The following NAT2 variants were observed in gnomAD, a reference collection of about 807,000 sequenced individuals.
The protein encoded by NAT2 is N-acetyltransferase 2, also known as arylamine N-acetyltransferase 2.
For missense variants in NAT2, 428 were observed against 339.1 expected (o/e 1.26, Z -2.06); for synonymous variants, 137 against 125.9 (o/e 1.09, Z -0.59).
chr8:18,398,117 GACCCC>G (rs1800723432), intron 1 of NAT2, among the ~76,000 whole-genome samples: 1 of 152,134 alleles, frequency 6.6e-6, no homozygotes, highest in Non-Finnish European at 1.5e-5. Context: ...TCAGAATAAA[GACCCC>G]AACACACAGG....
chr8:18,396,397 A>G (rs1378631269), intron 1 of NAT2, among the ~76,000 whole-genome samples: 1 of 152,118 alleles, frequency 6.6e-6, no homozygotes, highest in Non-Finnish European at 1.5e-5. Context: ...CACATTTTTA[A>G]CTTAAAACAA....
rs1351551928 is a variant in NAT2, at chr8:18,400,780, T to C, written c.777T>C (p.Thr259=). ...ATCTGGTCGAGTTTAAAACTCTCAC[T>C]GAGGAAGAGGTTGAAGAAGTGCTGA... is the stretch of plus-strand genomic sequence containing the variant. ...NTDLVEFKTL[T]EEEVEEVLRN... The change falls in exon 2 of 2, where the codon ACT becomes ACC. Residue 259 remains threonine (T), a synonymous_variant. Coordinates refer to ENST00000286479, the MANE Select transcript of NAT2 (RefSeq NM_000015.3). The C allele has an allele frequency of 1.6e-5, 26 of 1,613,402 alleles. No homozygotes were observed. Among genetic ancestry groups the C allele is most frequent in the Non-Finnish European group, 2.2e-5 (26 of 1,179,862 alleles).
intron 1 of NAT2, among the ~76,000 whole-genome samples, chr8:18,396,373 C>A (rs1800689779): frequency 6.6e-6 from 1 of 152,096 alleles, no homozygotes; most frequent in African/African-American, 2.4e-5. Context: ...CTTTCATAAA[C>A]CTTTAGTTTT....
At chr8:18,394,231 A>G (rs1800643754) in intron 1 of NAT2, among the ~76,000 whole-genome samples, 1 of 152,196 alleles carries the variant, frequency 6.6e-6, no homozygotes. Context: ...TTAAGGCAGG[A>G]ACAGGCCATT....
intron 1 of NAT2, among the ~76,000 whole-genome samples, chr8:18,398,818 C>G (rs1287692366): frequency 6.6e-6 from 1 of 152,180 alleles, no homozygotes; most frequent in African/African-American, 2.4e-5. Flanking sequence ...ACTTAGGTCA[C>G]ATGCCACCCA....
In NAT2 at chr8:18,400,406, C is replaced by T; in HGVS notation, c.403C>T (p.Leu135=). ...AAGCTCCTCCCAGATGTGGCAGCCT[C>T]TAGAATTAATTTCTGGGAAGGATCA... The part of the protein sequence containing the change: ...SGSSSQMWQP[L]ELISGKDQPQ... Residue 135 remains leucine (L), a synonymous_variant, in exon 2 of 2, where the codon CTA becomes TTA. Coordinates refer to ENST00000286479, the MANE Select transcript of NAT2 (RefSeq NM_000015.3). 1 of 1,612,094 alleles carries T rather than the reference C, an allele frequency of 6.2e-7. No homozygotes were observed. The highest frequency in any genetic ancestry group is 8.5e-7 in the Non-Finnish European group (1 of 1,179,416).
intron 1 of NAT2, among the ~76,000 whole-genome samples, chr8:18,397,150 T>C (rs1800706072): frequency 1.3e-5 from 2 of 152,076 alleles, no homozygotes; most frequent in South Asian, 4.2e-4. Context: ...AGGTTTAAGG[T>C]CACTAAAAAT....
At chr8:18,398,957 C>T (rs1028803898) in intron 1 of NAT2, among the ~76,000 whole-genome samples, 4 of 152,172 alleles carry the variant, frequency 2.6e-5, no homozygotes, top group African/African-American at 7.2e-5. Context: ...TTTGATTAGG[C>T]GAACACTGTT....
At chr8:18,387,521 C>A, upstream of NAT2, 1 of 153,812 alleles carries the variant, frequency 6.5e-6, no homozygotes, top group South Asian at 1.8e-4. Flanking sequence ...GGCTCGTGCT[C>A]ATTCACCTCC....
At chr8:18,389,656 G>C (rs1203032501), upstream of NAT2, among the ~76,000 whole-genome samples, 1 of 152,192 alleles carries the variant, frequency 6.6e-6, no homozygotes, top group Non-Finnish European at 1.5e-5. Context: ...AGTGCCAAAA[G>C]AAAAAGTACA....
At chr8:18,396,632 G>C (rs947100804) in intron 1 of NAT2, among the ~76,000 whole-genome samples, 2 of 152,132 alleles carry the variant, frequency 1.3e-5, no homozygotes, top group Non-Finnish European at 2.9e-5. Context: ...CTGACCTCGT[G>C]ATCTGCCCAC....
chr8:18,390,711 T>G (rs1800578830), upstream of NAT2, among the ~76,000 whole-genome samples: 1 of 118,676 alleles, frequency 8.4e-6, no homozygotes, highest in Non-Finnish European at 2.0e-5. Flanking sequence ...AAAATTTACA[T>G]TAATGTTAAT....
At chr8:18,398,122 C>CGGG in intron 1 of NAT2, among the ~76,000 whole-genome samples, 1 of 152,042 alleles carries the variant, frequency 6.6e-6, no homozygotes, top group Non-Finnish European at 1.5e-5. Flanking sequence ...ATAAAGACCC[C>CGGG]AACACACAGG....
intron 1 of NAT2, among the ~76,000 whole-genome samples, chr8:18,394,918 C>T (rs922029889): frequency 6.6e-6 from 1 of 151,946 alleles, no homozygotes; most frequent in African/African-American, 2.4e-5. Context: ...AGAAATCAGG[C>T]AGATAGAGGG....
At chr8:18,395,745 G>C (rs1800679074) in intron 1 of NAT2, among the ~76,000 whole-genome samples, 1 of 152,164 alleles carries the variant, frequency 6.6e-6, no homozygotes, top group Admixed American at 6.5e-5. Flanking sequence ...TATTTAGATA[G>C]AGACAGATAT....
intron 1 of NAT2, among the ~76,000 whole-genome samples, chr8:18,392,584 T>G (rs1800609079): frequency 6.6e-6 from 1 of 152,182 alleles, no homozygotes; most frequent in Admixed American, 6.5e-5. Flanking sequence ...GGCCTCCCTT[T>G]CTCAGTCCAC....
intron 1 of NAT2, among the ~76,000 whole-genome samples, chr8:18,399,150 G>A (rs1171501445): frequency 6.6e-6 from 1 of 152,050 alleles, no homozygotes; most frequent in East Asian, 1.9e-4. Flanking sequence ...CTCAACACTT[G>A]GGACAGGTTC....
chr8:18,391,025 A>G (rs1465553364), upstream of NAT2, among the ~76,000 whole-genome samples: 2 of 152,166 alleles, frequency 1.3e-5, no homozygotes, highest in Non-Finnish European at 2.9e-5. Flanking sequence ...GTCTGGCATC[A>G]GACTTCCAGA....
At chr8:18,393,794 GA>G (rs1251746089) in intron 1 of NAT2, among the ~76,000 whole-genome samples, 3 of 152,188 alleles carry the variant, frequency 2.0e-5, no homozygotes, top group Middle Eastern at 3.4e-3. Flanking sequence ...CTTGTAGCCA[GA>G]AAAAAATTCA....
Sources: gnomAD v4.1 joint callset for allele counts (sites outside exome capture counted in the v4.1 genomes callset) on GRCh38, gnomAD v4.1.1 for gene constraint, MANE v1.5 for transcripts, NCBI Gene and HGNC (gene_info 2026-07-23, HGNC 2026-07-21) for gene names.